FAM13A: variants seen among roughly 807,000 people sequenced by gnomAD.
FAM13A encodes family with sequence similarity 13 member A, also known as protein FAM13A.
FAM13A carries 76 observed loss-of-function variants against 129.6 expected under a neutral mutation model. The ratio of observed to expected loss-of-function variants is 0.59; its 90% CI spans 0.49 to 0.71. The LOEUF (loss-of-function observed/expected upper bound fraction) is 0.71. FAM13A is among the 30% of genes least tolerant of loss of function. FAM13A has a pLI of 0.00. For missense variants in FAM13A, 1,108 were observed against 1,249.3 expected, an observed-to-expected ratio of 0.89 and a Z score of 1.70; for synonymous variants, 443 against 449.9, an observed-to-expected ratio of 0.98 and a Z score of 0.20.
chr4:89,029,394 C>A, intron 2 of FAM13A, 66 bp downstream of exon 2: 1 of 1,237,322 alleles, frequency 8.1e-7, no homozygotes, highest in African/African-American at 1.5e-5. Context: ...TGAAATAATT[C>A]ACACAAATAA....
intron 4 of FAM13A, among the ~76,000 whole-genome samples, chr4:88,954,393 G>A (rs575603366): frequency 2.5e-4 from 38 of 152,212 alleles, no homozygotes; most frequent in African/African-American, 7.7e-4. Flanking sequence ...CCATAAATCC[G>A]TCCTTTCATC....
Position 88,906,459 on chromosome 4 carries a change from C to A in FAM13A, c.763G>T (p.Val255Phe), listed in dbSNP as rs747843717. 6.3e-7 allele frequency: 1 copy of A among 1,593,598 alleles called. No homozygotes were observed. The change falls in exon 6 of 24, where the codon GTC becomes TTC. Residue 255 changes from valine (V) to phenylalanine (F), a missense_variant. Coordinates refer to ENST00000264344, the MANE Select transcript of FAM13A (RefSeq NM_014883.4). ...NLARLIIVKE[V>F]YYKNSLPILL... ...ATGGGCAGGGAGTTCTTATAATAGA[C>A]CTCCTACAAAAGAAGTATAAAGGAA...
At chr4:88,975,115 TA>T (rs1760723621) in intron 4 of FAM13A, among the ~76,000 whole-genome samples, 1 of 152,158 alleles carries the variant, frequency 6.6e-6, no homozygotes, top group African/African-American at 2.4e-5. Context: ...TATAAAAATC[TA>T]AACGCTCAAA....
chr4:88,876,553 C>T (rs1233783516), intron 6 of FAM13A, among the ~76,000 whole-genome samples: 1 of 151,996 alleles, frequency 6.6e-6, no homozygotes, highest in Non-Finnish European at 1.5e-5. Context: ...GGATCATAGT[C>T]AGATTTGTCT....
At chr4:88,868,989 T>C (rs1561206086) in intron 6 of FAM13A, among the ~76,000 whole-genome samples, 1 of 152,196 alleles carries the variant, frequency 6.6e-6, no homozygotes, top group African/African-American at 2.4e-5. Flanking sequence ...GCATCTTCAT[T>C]TGGAAGATGG....
At chr4:89,028,528 AT>A (rs1236495820) in intron 2 of FAM13A, among the ~76,000 whole-genome samples, 2 of 152,064 alleles carry the variant, frequency 1.3e-5, no homozygotes, top group Non-Finnish European at 2.9e-5. Context: ...ACAAATAAAA[AT>A]AAAAATAAAA....
intron 3 of FAM13A, among the ~76,000 whole-genome samples, chr4:89,003,884 A>G (rs940010608): frequency 2.0e-5 from 3 of 151,804 alleles, no homozygotes; most frequent in Non-Finnish European, 4.4e-5. Flanking sequence ...ACACTATATT[A>G]TCAAATGGAA....
intron 5 of FAM13A, among the ~76,000 whole-genome samples, chr4:88,919,115 A>G (rs1427590748): frequency 6.6e-6 from 1 of 152,246 alleles, no homozygotes; most frequent in Non-Finnish European, 1.5e-5. Context: ...TTCACACTAC[A>G]TTTGTTTAAC....
At chr4:88,818,142 C>A (rs1334972654) in intron 7 of FAM13A, among the ~76,000 whole-genome samples, 1 of 129,974 alleles carries the variant, frequency 7.7e-6, no homozygotes, top group East Asian at 2.5e-4. Context: ...TGCCAGCACG[C>A]CCAGATAATT....
chr4:88,938,005 T>C, intron 5 of FAM13A, 83 bp downstream of exon 5: 1 of 1,039,788 alleles, frequency 9.6e-7, no homozygotes, highest in Non-Finnish European at 1.5e-6. Flanking sequence ...TATATCCATA[T>C]GGAATTTTTA....
chr4:88,969,641 T>A (rs1759811862), intron 4 of FAM13A, among the ~76,000 whole-genome samples: 3 of 152,228 alleles, frequency 2.0e-5, no homozygotes, highest in Admixed American at 2.0e-4. Context: ...TTTCTCTACC[T>A]GGAAACAAAA....
intron 6 of FAM13A, among the ~76,000 whole-genome samples, chr4:88,873,773 C>T (rs940101129): frequency 6.6e-6 from 1 of 152,158 alleles, no homozygotes; most frequent in African/African-American, 2.4e-5. Context: ...GGGAATCCTC[C>T]CTAACTCATT....
At chr4:88,766,694 G>A (rs922523055) in intron 13 of FAM13A, among the ~76,000 whole-genome samples, 1 of 152,198 alleles carries the variant, frequency 6.6e-6, no homozygotes, top group Admixed American at 6.5e-5. Flanking sequence ...TCCTAGCACA[G>A]TACCTGTTCC....
At chr4:88,779,304 G>A (rs1405741272) in intron 11 of FAM13A, among the ~76,000 whole-genome samples, 1 of 152,094 alleles carries the variant, frequency 6.6e-6, no homozygotes, top group Non-Finnish European at 1.5e-5. Context: ...GCTAGGGAAA[G>A]GTTTTGGAGG....
intron 4 of FAM13A, among the ~76,000 whole-genome samples, chr4:88,951,110 T>C (rs985623728): frequency 2.6e-5 from 4 of 152,118 alleles, no homozygotes; most frequent in Admixed American, 2.6e-4. Context: ...GCTGCTGCTG[T>C]TTATTATATG....
intron 5 of FAM13A, among the ~76,000 whole-genome samples, chr4:88,916,527 G>A (rs1025906491): frequency 3.9e-5 from 6 of 152,164 alleles, no homozygotes; most frequent in Non-Finnish European, 8.8e-5. Context: ...AACCCACCAT[G>A]CTTTCTCATT....
At chr4:88,894,135 T>C (rs1229400570) in intron 6 of FAM13A, among the ~76,000 whole-genome samples, 3 of 152,230 alleles carry the variant, frequency 2.0e-5, no homozygotes, top group Non-Finnish European at 4.4e-5. Context: ...AGCATGTAAA[T>C]TGATGCAACA....
In FAM13A at chr4:88,760,330, C is replaced by A. The variant is rs1480067228; in HGVS notation, c.1579-1429G>T. On this transcript the variant is annotated intron_variant, in intron 13 of 23. Transcript: ENST00000264344. ...CTTATAGAAATGCCAAGTGGCCGGG[C>A]GCGGTGGCTCACGCCTGTAATCCCA... Among the ~76,000 whole-genome samples the A allele has an allele frequency of 1.0e-4, 3 of 28,780 alleles. 1 individual carries two copies. Among genetic ancestry groups the A allele is most frequent in the Non-Finnish European group, 3.9e-4 (2 of 5,150 alleles). The allele number at this position is 28,780 out of a possible 152,430, so 18.9% of individuals were successfully genotyped here.
intron 4 of FAM13A, among the ~76,000 whole-genome samples, chr4:88,946,770 GTTA>G: frequency 6.6e-6 from 1 of 152,008 alleles, no homozygotes; most frequent in East Asian, 1.9e-4. Context: ...GTTATTATCA[GTTA>G]TTATCCTCCT....
Sources: allele counts gnomAD v4.1 joint callset (sites outside exome capture counted in the v4.1 genomes callset), GRCh38; gene constraint gnomAD v4.1.1; transcripts MANE v1.5; gene names NCBI Gene and HGNC (gene_info 2026-07-23, HGNC 2026-07-21).